FGR: variants seen among roughly 807,000 people sequenced by gnomAD.
The protein encoded by FGR is FGR proto-oncogene, Src family tyrosine kinase.
In FGR, 26 loss-of-function variants were observed where a neutral mutation model predicts 63.2. That is an observed-to-expected ratio of 0.41 (90% confidence interval 0.30 to 0.57). FGR has a LOEUF of 0.57. Among genes scored for constraint, FGR ranks in the 20% least tolerant of loss-of-function variants. FGR has a pLI of 0.27. For synonymous variants in FGR, 286 were observed against 277.7 expected (o/e 1.03, Z -0.30); for missense variants, 511 against 690.8 (o/e 0.74, Z 2.92).
chr1:27,628,516 TACACACACACAC>T (rs56021900), intron 1 of FGR, among the ~76,000 whole-genome samples: 60 of 91,212 alleles, frequency 6.6e-4, no homozygotes, highest in African/African-American at 2.1e-3. Context: ...CATGTAGGGA[TACACACACACAC>T]ACACACACAC....
chr1:27,621,783 C>T (rs1398926427), intron 4 of FGR, 126 bp from the exon 5 acceptor site: 6 of 696,118 alleles, frequency 8.6e-6, no homozygotes, highest in Admixed American at 2.1e-5. Flanking sequence ...CACCCCCCAC[C>T]ACTGGGGCTT....
At position 27,623,542 on chromosome 1, in the gene FGR, C is replaced by T. The variant is rs768482143; in HGVS notation, c.226+149G>A. The T allele has an allele frequency of 1.3e-4, 106 of 808,472 alleles. 2 individuals are homozygous for T. The highest frequency in any genetic ancestry group is 1.2e-3 in the South Asian group (82 of 68,522). 50.1% of individuals were successfully genotyped at this position (808,472 alleles called of 1,614,324 possible). A position where few individuals can be genotyped will look rare whatever the true frequency, so the allele number is the denominator to read the frequency against. On this transcript the variant is annotated intron_variant, in intron 3 of 12. Coordinates refer to ENST00000374005, the MANE Select transcript of FGR (RefSeq NM_005248.3). ...TGTGGTTTCTGATGGGAGGGCTGTA[C>T]AGACTCCCTCAGCCCATGTGATCTT...
At position 27,621,612 on chromosome 1, in the gene FGR, A is replaced by T; in HGVS notation, c.375T>A (p.Thr125=). The change falls in exon 5 of 13, where the codon ACT becomes ACA. Residue 125 remains threonine (T), a synonymous_variant. Coordinates refer to ENST00000374005, the MANE Select transcript of FGR (RefSeq NM_005248.3). ...CCACGTAGTTGCTGGGAATGCAGCC[A>T]GTTTTTCCGGAGCTGAGAGACCGAG... ...WEARSLSSGK[T]GCIPSNYVAP... is the part of the protein sequence containing the mutation. 1 of 1,613,960 alleles carries T rather than the reference A, an allele frequency of 6.2e-7. No homozygotes were observed. Among genetic ancestry groups the T allele is most frequent in the South Asian group, 1.1e-5 (1 of 91,064 alleles).
Position 27,615,783 on chromosome 1 carries a change from C to T in FGR, c.744G>A (p.Thr248=). The T allele has an allele frequency of 6.2e-7, 1 of 1,602,050 alleles. No homozygotes were observed. The highest frequency in any genetic ancestry group is 2.3e-5 in the East Asian group (1 of 44,130). ...CCCAGGCGTCCTTGGCCAGGCCCAG[C>T]GTCTGCGGCTTCATGATGGTGCAGG... ...IAPCTIMKPQ[T]LGLAKDAWEI... The change falls in exon 8 of 13, where the codon ACG becomes ACA. Residue 248 remains threonine, a synonymous_variant. Coordinates refer to ENST00000374005, the MANE Select transcript of FGR (RefSeq NM_005248.3). The surrounding 1 kb of genome is among the most constrained non-coding windows in gnomAD (Gnocchi z 7.6).
rs2089836624 is a variant in FGR at position 27,617,442 on chromosome 1, G to A, written c.429-146C>T. 6.3e-6 allele frequency: 4 copies of A among 634,518 alleles called. No homozygotes were observed. In the South Asian group the frequency reaches 7.2e-5, roughly 11 times the overall value. The allele number at this position is 634,518 out of a possible 1,614,324, so 39.3% of individuals were successfully genotyped here. On this transcript the variant is annotated intron_variant, in intron 5 of 12. Coordinates refer to ENST00000374005, the MANE Select transcript of FGR (RefSeq NM_005248.3). The surrounding 1 kb of genome is among the most constrained non-coding windows in gnomAD (Gnocchi z 4.5). ...CCTGCTTCACATCCTGGCTGGGAGG[G>A]TTACAGAGAAGGGGAGTGTAAAATG...
intron 5 of FGR, among the ~76,000 whole-genome samples, chr1:27,620,847 G>A (rs1332062848): frequency 1.3e-5 from 2 of 149,508 alleles, no homozygotes; most frequent in Admixed American, 6.7e-5. Flanking sequence ...GCAATATGGC[G>A]AAACACCATC....
At chr1:27,632,835 G>A (rs1218333586) in intron 1 of FGR, among the ~76,000 whole-genome samples, 1 of 152,108 alleles carries the variant, frequency 6.6e-6, no homozygotes, top group Non-Finnish European at 1.5e-5. Context: ...GTCCCTCAGG[G>A]GAGTGGGGCG....
intron 5 of FGR, among the ~76,000 whole-genome samples, chr1:27,621,006 A>T (rs2089912003): frequency 1.3e-5 from 2 of 149,310 alleles, no homozygotes; most frequent in Non-Finnish European, 3.0e-5. Context: ...AAAAAAAAAA[A>T]AAAAAAAAAA....
chr1:27,630,579 G>A (rs545670365), intron 1 of FGR, among the ~76,000 whole-genome samples: 3 of 144,614 alleles, frequency 2.1e-5, no homozygotes, highest in South Asian at 2.1e-4. Context: ...AGGGAGGGGC[G>A]CAGGAGAGAG....
intron 4 of FGR, among the ~76,000 whole-genome samples, chr1:27,622,346 C>G (rs2089945485): frequency 6.6e-6 from 1 of 151,098 alleles, no homozygotes; most frequent in Non-Finnish European, 1.5e-5. Flanking sequence ...TCTCTAGCCT[C>G]TGTTCTCTCC....
chr1:27,628,075 C>G lies in FGR; in HGVS notation c.-76-2924G>C, dbSNP rs536895387. Among the ~76,000 whole-genome samples, 135 of 150,040 alleles carry G rather than the reference C, an allele frequency of 9.0e-4. 5 individuals are homozygous for G. In the South Asian group the frequency reaches 0.026, roughly 29 times the overall value. On this transcript the variant is annotated intron_variant, in intron 1 of 12. Coordinates refer to ENST00000374005, the MANE Select transcript of FGR (RefSeq NM_005248.3). ...TTCGAGACCAACCTGGGCAATATGGCAAATCCCATCTCTACAAAAAATACA... is the reference window on the plus strand; with the variant it reads ...TTCGAGACCAACCTGGGCAATATGGGAAATCCCATCTCTACAAAAAATACA...
intron 1 of FGR, chr1:27,626,100 G>A (rs1009339961): frequency 7.5e-6 from 3 of 398,546 alleles, no homozygotes; most frequent in African/African-American, 6.2e-5. Context: ...TCAGAAGCTG[G>A]GGCTACCAGA....
Position 27,615,693 on chromosome 1 carries a change from C to A in FGR, c.834G>T (p.Trp278Cys). 6.2e-7 allele frequency: 1 copy of A among 1,600,742 alleles called. No individual in the cohort carries two copies. Among genetic ancestry groups the A allele is most frequent in the Non-Finnish European group, 8.5e-7 (1 of 1,170,440 alleles). The change falls in exon 8 of 13, where the codon TGG becomes TGT. Residue 278 changes from tryptophan (W) to cysteine (C), a missense_variant. Coordinates refer to ENST00000374005, the MANE Select transcript of FGR (RefSeq NM_005248.3). The surrounding 1 kb of genome is among the most constrained non-coding windows in gnomAD (Gnocchi z 7.6). Reference protein sequence around the residue: ...RLGTGCFGDVWLGTWNGSTKV... With the variant: ...RLGTGCFGDVCLGTWNGSTKV... The stretch of plus-strand genomic sequence containing the variant: ...CGGCCCCCGGGAGCTCCGTACCCAG[C>A]CACACATCCCCGAAGCAGCCGGTGC...
rs750306414 is a variant in FGR at position 27,613,375 on chromosome 1, A to G, written c.1250-25T>C. 3 of 1,611,538 alleles carry G rather than the reference A, an allele frequency of 1.9e-6. No individual in the cohort carries two copies. The Admixed American group carries it at 5.0e-5, about 27-fold the overall frequency. Reference sequence around the variant, plus strand: ...CCTGGAGAAGATGGGGGAGCAGGGAAAGTTAGTGAGGGGGTCCCTGGAAAC... The same window carrying G: ...CCTGGAGAAGATGGGGGAGCAGGGAGAGTTAGTGAGGGGGTCCCTGGAAAC... On this transcript the variant is annotated intron_variant, in intron 11 of 12. Transcript: ENST00000374005.
Position 27,617,048 on chromosome 1 carries a change from C to T in FGR, c.533-42G>A. On this transcript the variant is annotated intron_variant, in intron 6 of 12. Transcript: ENST00000374005. This position sits in a 1 kb window ranked among gnomAD's most constrained non-coding sequence, Gnocchi z 4.5. The stretch of plus-strand genomic sequence containing the variant: ...TTTTGATCTGCTGTTCTCCTCTGCC[C>T]TAGTCTGGGAGCTGGGAGAGGCCCG... 1 of 1,611,974 alleles carries T rather than the reference C, an allele frequency of 6.2e-7. No homozygotes were observed.
chr1:27,614,620 TG>T, intron 10 of FGR, 37 bp from the exon 11 acceptor site: 1 of 1,608,386 alleles, frequency 6.2e-7, no homozygotes. Context: ...GGAGCTCATG[TG>T]GACTCACAAC....
chr1:27,631,671 T>C (rs114357739), intron 1 of FGR, among the ~76,000 whole-genome samples: 1,766 of 152,298 alleles, frequency 0.012, 21 homozygotes, highest in Middle Eastern at 0.048. Context: ...GAACTTTCAC[T>C]TCCCTCCTTT....
At position 27,623,782 on chromosome 1, in the gene FGR, G is replaced by A. The variant is rs373218874; in HGVS notation, c.135C>T (p.Ser45=). 173 of 1,614,126 alleles carry A rather than the reference G, an allele frequency of 1.1e-4. No homozygotes were observed. Among genetic ancestry groups the A allele is most frequent in the Non-Finnish European group, 1.4e-4 (166 of 1,180,050 alleles). ...GPDPTKARPA[S]SFAHIPNYSN... Reference sequence around the variant, plus strand: ...TGTAGTTGGGGATGTGGGCAAATGAGGATGCAGGCCGGGCCTTAGTGGGGT... The same window carrying A: ...TGTAGTTGGGGATGTGGGCAAATGAAGATGCAGGCCGGGCCTTAGTGGGGT... The change falls in exon 3 of 13, where the codon TCC becomes TCT. Residue 45 remains serine, a synonymous_variant. Coordinates refer to ENST00000374005, the MANE Select transcript of FGR (RefSeq NM_005248.3).
At position 27,617,323 on chromosome 1, in the gene FGR, G is replaced by GGTAC; in HGVS notation, c.429-31_429-28dup. On this transcript the variant is annotated intron_variant, in intron 5 of 12. Coordinates refer to ENST00000374005, the MANE Select transcript of FGR (RefSeq NM_005248.3). This position sits in a 1 kb window ranked among gnomAD's most constrained non-coding sequence, Gnocchi z 4.5. ...TGTTGGGAAAGGCAGGCAAGAGTCA[G>GGTAC]GTACGCTCTGCTCAAACCTCACCTC... 1.3e-6 allele frequency: 2 copies of GGTAC among 1,555,648 alleles called. No individual in the cohort carries two copies. The highest frequency in any genetic ancestry group is 1.8e-6 in the Non-Finnish European group (2 of 1,127,420).
Sources: gnomAD v4.1 joint callset for allele counts (sites outside exome capture counted in the v4.1 genomes callset) on GRCh38, gnomAD v4.1.1 for gene constraint, Gnocchi (gnomAD v3.1) non-coding constraint, MANE v1.5 for transcripts, NCBI Gene and HGNC (gene_info 2026-07-23, HGNC 2026-07-21) for gene names.